PPP6R2: variants seen among roughly 807,000 people sequenced by gnomAD.
PPP6R2 encodes the protein protein phosphatase 6 regulatory subunit 2, also known as serine/threonine-protein phosphatase 6 regulatory subunit 2.
A neutral mutation model predicts 100.2 loss-of-function variants in PPP6R2; 62 were observed. The ratio of observed to expected loss-of-function variants is 0.62; its 90% CI spans 0.50 to 0.76. The LOEUF (loss-of-function observed/expected upper bound fraction) is 0.76. Ranked by LOEUF, PPP6R2 falls within the 30% of genes least tolerant of loss-of-function variation. The probability of loss-of-function intolerance (pLI) is 0.00; values close to 1 mark genes in which losing one functional copy is unlikely to be tolerated. For synonymous variants in PPP6R2, 525 were observed against 514.7 expected (o/e 1.02, Z -0.27); for missense variants, 1,142 against 1,276.3 (o/e 0.89, Z 1.60).
At chr22:50,437,232 A>G (rs1406945082) in intron 15 of PPP6R2, among the ~76,000 whole-genome samples, 164 bp downstream of exon 15, 1 of 152,228 alleles carries the variant, frequency 6.6e-6, no homozygotes. Flanking sequence ...GGAGAACCCC[A>G]AAGTCACTCC....
intron 2 of PPP6R2, among the ~76,000 whole-genome samples, chr22:50,380,986 CAAAA>C (rs375160457): frequency 2.3e-5 from 2 of 87,902 alleles, no homozygotes; most frequent in African/African-American, 4.5e-5. Flanking sequence ...GACTCCATCT[CAAAA>C]AAAAAAAAAA....
chr22:50,346,212 C>T (rs1298220655), intron 1 of PPP6R2, among the ~76,000 whole-genome samples: 1 of 34,678 alleles, frequency 2.9e-5, no homozygotes, highest in South Asian at 2.7e-3. Flanking sequence ...CAGTCACTGT[C>T]CCCTCCAGTC....
chr22:50,426,833 C>A (rs1001433366), intron 10 of PPP6R2, among the ~76,000 whole-genome samples: 436 of 102,116 alleles, frequency 4.3e-3, no homozygotes, highest in Middle Eastern at 6.5e-3. Flanking sequence ...GATTCTGTTT[C>A]AAAAAAAAAA....
chr22:50,414,331 G>C (rs566928328), intron 4 of PPP6R2, among the ~76,000 whole-genome samples: 16 of 26,800 alleles, frequency 6.0e-4, no homozygotes, highest in South Asian at 4.9e-3. Flanking sequence ...CTGTGCAGTG[G>C]CCCCCCCCCC....
At position 50,431,961 on chromosome 22, in the gene PPP6R2, CG is replaced by C. The variant is rs1247669864; in HGVS notation, c.1336-300del. On this transcript the variant is annotated intron_variant, in intron 11 of 23. Coordinates refer to ENST00000612753, the MANE Select transcript of PPP6R2 (RefSeq NM_001242898.2). This position sits in a 1 kb window ranked among gnomAD's most constrained non-coding sequence, Gnocchi z 4.8. The stretch of plus-strand genomic sequence containing the variant: ...GCCAAAGTGGAGGGCAATGGAGAGA[CG>C]GGGAGAAGGCCCAGGGGAAGACAGG... Among the ~76,000 whole-genome samples the C allele has an allele frequency of 6.6e-6, 1 of 151,968 alleles. No individual in the cohort carries two copies. Among genetic ancestry groups the C allele is most frequent in the Non-Finnish European group, 1.5e-5 (1 of 67,972 alleles).
chr22:50,338,763 TAGTG>T (rs1384418366), upstream of PPP6R2, among the ~76,000 whole-genome samples: 1 of 131,674 alleles, frequency 7.6e-6, no homozygotes, highest in African/African-American at 3.0e-5. Flanking sequence ...GTGTGGTAGG[TAGTG>T]TGTGTGGTAT....
At chr22:50,335,588 T>C in the PPP6R2 span, among the ~76,000 whole-genome samples, 2 of 151,296 alleles carry the variant, frequency 1.3e-5, no homozygotes, top group South Asian at 2.1e-4. Flanking sequence ...CTCGGCACAC[T>C]GCAACTTCCA....
At chr22:50,363,114 T>G (rs1308467304) in intron 1 of PPP6R2, among the ~76,000 whole-genome samples, 1 of 152,214 alleles carries the variant, frequency 6.6e-6, no homozygotes, top group Non-Finnish European at 1.5e-5. Flanking sequence ...AATGTGGATT[T>G]TTGTCACTTC....
intron 22 of PPP6R2, among the ~76,000 whole-genome samples, chr22:50,441,994 A>G (rs1290467856): frequency 6.6e-6 from 1 of 152,172 alleles, no homozygotes; most frequent in Non-Finnish European, 1.5e-5. Context: ...AGGTCCAGGC[A>G]ACAGTGGGGA....
chr22:50,411,312 G>T (rs896990599), intron 4 of PPP6R2, among the ~76,000 whole-genome samples: 11 of 152,040 alleles, frequency 7.2e-5, no homozygotes, highest in African/African-American at 2.7e-4. Context: ...AAATTAGCTG[G>T]GTGTGGTGGC....
chr22:50,435,300 C>G (rs1388564667), intron 13 of PPP6R2, among the ~76,000 whole-genome samples: 2 of 152,206 alleles, frequency 1.3e-5, no homozygotes, highest in African/African-American at 4.8e-5. Flanking sequence ...CTGTGGAGAC[C>G]CTGCCAGGCG....
chr22:50,422,991 CAGAAAAG>C (rs975715426), intron 9 of PPP6R2, among the ~76,000 whole-genome samples: 1 of 152,160 alleles, frequency 6.6e-6, no homozygotes, highest in African/African-American at 2.4e-5. Flanking sequence ...TGTGGGGGAT[CAGAAAAG>C]ACCGCGGTCC....
intron 1 of PPP6R2, among the ~76,000 whole-genome samples, chr22:50,360,980 G>C (rs1470339556): frequency 6.6e-6 from 1 of 152,164 alleles, no homozygotes; most frequent in Non-Finnish European, 1.5e-5. Context: ...TGGACAGTCA[G>C]ACCTTTAGGA....
At chr22:50,338,307 TGTGTGTG>T (rs539587581), upstream of PPP6R2, among the ~76,000 whole-genome samples, 944 of 147,050 alleles carry the variant, frequency 6.4e-3, 5 homozygotes, top group African/African-American at 0.013. Context: ...GTGTGTGGTG[TGTGTGTG>T]GTGTGTGGTG....
intron 1 of PPP6R2, among the ~76,000 whole-genome samples, chr22:50,353,617 C>T (rs982647854): frequency 3.3e-5 from 5 of 152,112 alleles, no homozygotes; most frequent in African/African-American, 4.8e-5. Flanking sequence ...TGGCACCCCT[C>T]GACGTGCTTG....
chr22:50,338,265 G>C, the PPP6R2 span, among the ~76,000 whole-genome samples: 26 of 136,224 alleles, frequency 1.9e-4, no homozygotes, highest in African/African-American at 7.5e-4. Flanking sequence ...TGTGTGGTGC[G>C]TGTGAAGTGT....
chr22:50,437,692 G>A, intron 16 of PPP6R2, 89 bp downstream of exon 16: 1 of 1,422,648 alleles, frequency 7.0e-7, no homozygotes, highest in Non-Finnish European at 9.8e-7. Flanking sequence ...GTCTTGCCGG[G>A]AGTGCCGTCT....
chr22:50,348,106 G>C (rs2044184997), intron 1 of PPP6R2, among the ~76,000 whole-genome samples: 1 of 152,114 alleles, frequency 6.6e-6, no homozygotes, highest in African/African-American at 2.4e-5. Flanking sequence ...CAGGAACCTA[G>C]ATAAGACTGA....
chr22:50,444,281 C>G lies in PPP6R2; in HGVS notation c.*34C>G. On this transcript the variant is annotated 3_prime_UTR_variant, in exon 24 of 24. Transcript: ENST00000612753. ...CCGCCCGGCCACGGCCCACCCTGGT[C>G]AGGCTGCCTCCTTAATCGAGAAAAC... The G allele has an allele frequency of 6.2e-7, 1 of 1,604,848 alleles. No individual in the cohort carries two copies. The highest frequency in any genetic ancestry group is 8.5e-7 in the Non-Finnish European group (1 of 1,176,784).
Sources: allele counts gnomAD v4.1 joint callset (sites outside exome capture counted in the v4.1 genomes callset), GRCh38; gene constraint gnomAD v4.1.1; non-coding constraint Gnocchi (gnomAD v3.1); transcripts MANE v1.5; gene names NCBI Gene and HGNC (gene_info 2026-07-23, HGNC 2026-07-21).